WDR59: variants seen among roughly 807,000 people sequenced by gnomAD.
WDR59 encodes the protein WD repeat domain 59.
A neutral mutation model predicts 131.2 loss-of-function variants in WDR59; 100 were observed. That is an observed-to-expected ratio of 0.76 (90% CI 0.65 to 0.90). The LOEUF (loss-of-function observed/expected upper bound fraction) is 0.90. WDR59 is among the 40% of genes least tolerant of loss of function. WDR59 has a pLI of 0.00. For synonymous variants in WDR59, 601 were observed against 466.2 expected, an observed-to-expected ratio of 1.29 and a Z score of -3.72; for missense variants, 1,203 against 1,262.2, an observed-to-expected ratio of 0.95 and a Z score of 0.71.
At chr16:74,885,245 G>A (rs1351604578) in intron 25 of WDR59, among the ~76,000 whole-genome samples, 1 of 152,030 alleles carries the variant, frequency 6.6e-6, no homozygotes, top group South Asian at 2.1e-4. Context: ...CTGAGGTCAG[G>A]AGTTCGAGAC....
At chr16:74,969,556 C>T (rs2145208912) in intron 1 of WDR59, among the ~76,000 whole-genome samples, 1 of 149,964 alleles carries the variant, frequency 6.7e-6, no homozygotes, top group East Asian at 2.0e-4. Context: ...CAGGTGTGAG[C>T]CACTGCACCC....
chr16:74,966,938 G>C (rs1486260375), intron 1 of WDR59, among the ~76,000 whole-genome samples: 1 of 152,176 alleles, frequency 6.6e-6, no homozygotes, highest in South Asian at 2.1e-4. Flanking sequence ...TTATTGCCCT[G>C]AATTTCTTTG....
intron 2 of WDR59, among the ~76,000 whole-genome samples, chr16:74,960,898 T>A (rs11149786): frequency 0.33 from 50,140 of 151,696 alleles, 8,910 homozygotes; most frequent in East Asian, 0.72. Context: ...CTAAAAAAAA[T>A]TTCTGTATCT....
intron 8 of WDR59, among the ~76,000 whole-genome samples, chr16:74,928,926 C>A (rs1228674190): frequency 6.6e-6 from 1 of 151,936 alleles, no homozygotes; most frequent in Non-Finnish European, 1.5e-5. Context: ...ATAAAAGAGA[C>A]AATACACAGA....
chr16:74,969,005 G>C (rs1216849366), intron 1 of WDR59, among the ~76,000 whole-genome samples: 2 of 152,124 alleles, frequency 1.3e-5, no homozygotes, highest in Non-Finnish European at 2.9e-5. Flanking sequence ...GGGGAAAGGA[G>C]TCTGCAATCC....
intron 2 of WDR59, among the ~76,000 whole-genome samples, chr16:74,960,059 G>C (rs1382458212): frequency 6.6e-6 from 1 of 152,092 alleles, no homozygotes; most frequent in Non-Finnish European, 1.5e-5. Flanking sequence ...GCCGGGCGCA[G>C]TGGCTCACAC....
At chr16:74,905,716 T>A (rs1275702805) in intron 17 of WDR59, among the ~76,000 whole-genome samples, 2 of 150,308 alleles carry the variant, frequency 1.3e-5, no homozygotes, top group Admixed American at 6.6e-5. Flanking sequence ...AATAAAAAAA[T>A]AAAATAAAAT....
chr16:74,978,319 TC>T (rs2034268857), intron 1 of WDR59, among the ~76,000 whole-genome samples: 1 of 65,552 alleles, frequency 1.5e-5, no homozygotes, highest in Non-Finnish European at 2.9e-5. Context: ...AGACTCTGTC[TC>T]AAAAAAAAAA....
chr16:74,926,565 T>A (rs60731680), intron 8 of WDR59, among the ~76,000 whole-genome samples: 91 of 152,314 alleles, frequency 6.0e-4, no homozygotes, highest in African/African-American at 2.2e-3. Flanking sequence ...AAGGGGATGA[T>A]CCACACGTGT....
intron 7 of WDR59, among the ~76,000 whole-genome samples, chr16:74,940,809 G>A (rs1391179200): frequency 1.3e-5 from 2 of 152,002 alleles, no homozygotes; most frequent in East Asian, 2.0e-4. Flanking sequence ...GGGTTCAAGC[G>A]ATTCTCCTGC....
intron 1 of WDR59, among the ~76,000 whole-genome samples, chr16:74,966,773 A>T (rs1274261234): frequency 6.6e-6 from 1 of 152,200 alleles, no homozygotes; most frequent in African/African-American, 2.4e-5. Context: ...TGAAATTTCT[A>T]GTGCATTTAA....
At position 74,887,270 on chromosome 16, in the gene WDR59, A is replaced by G. The variant is rs1034852912; in HGVS notation, c.2419+413T>C. Among the ~76,000 whole-genome samples, 14 of 152,158 alleles carry G rather than the reference A, an allele frequency of 9.2e-5. 1 individual carries two copies. The highest frequency in any genetic ancestry group is 3.4e-4 in the African/African-American group (14 of 41,434). Reference sequence around the variant, plus strand: ...TTTTTTTTTTAAATCCAGGAAACACAAATACACCTTACTCAGCAAACAGCT... The same window carrying G: ...TTTTTTTTTTAAATCCAGGAAACACGAATACACCTTACTCAGCAAACAGCT... On this transcript the variant is annotated intron_variant, in intron 23 of 25. Transcript: ENST00000262144.
chr16:74,976,815 C>T (rs983810284), intron 1 of WDR59, among the ~76,000 whole-genome samples: 2 of 151,892 alleles, frequency 1.3e-5, no homozygotes, highest in South Asian at 2.1e-4. Context: ...CCCAGGAGTT[C>T]GAGACCAGCC....
intron 1 of WDR59, among the ~76,000 whole-genome samples, chr16:74,972,044 A>G (rs2034004068): frequency 6.6e-6 from 1 of 152,132 alleles, no homozygotes; most frequent in Non-Finnish European, 1.5e-5. Context: ...AGTCCTCCTC[A>G]ATTGTAGGAA....
chr16:74,892,580 A>G lies in WDR59; in HGVS notation c.2001-15T>C. On this transcript the variant is annotated splice_polypyrimidine_tract_variant and intron_variant, in intron 19 of 25. Coordinates refer to ENST00000262144, the MANE Select transcript of WDR59 (RefSeq NM_030581.4). ...TCACATTCAATCTGAAATTTTTTAA[A>G]AAGAATTAAACATTTCTTTCTAGTG... 6.2e-7 allele frequency: 1 copy of G among 1,606,530 alleles called. No homozygotes were observed. Among genetic ancestry groups the G allele is most frequent in the African/African-American group, 1.3e-5 (1 of 74,862 alleles).
chr16:74,916,732 G>A (rs1294188100), intron 11 of WDR59, among the ~76,000 whole-genome samples: 4 of 151,886 alleles, frequency 2.6e-5, no homozygotes, highest in Admixed American at 6.6e-5. Flanking sequence ...GGTGGCGGAC[G>A]CCTACAGTCC....
chr16:74,938,396 CTT>C, intron 7 of WDR59, 130 bp from the exon 8 acceptor site: 1 of 564,984 alleles, frequency 1.8e-6, no homozygotes, highest in South Asian at 5.0e-5. Context: ...CCTACACAGA[CTT>C]TGTTTGTTTT....
intron 2 of WDR59, among the ~76,000 whole-genome samples, chr16:74,964,373 T>C (rs976951049): frequency 1.6e-4 from 17 of 103,804 alleles, no homozygotes; most frequent in Admixed American, 3.0e-4. Context: ...GAGCGAAACA[T>C]CATCTCAAAA....
rs757183973 is a variant in WDR59 at position 74,980,459 on chromosome 16, C to T, written c.54+4505G>A. 5.5e-5 allele frequency among the ~76,000 whole-genome samples: 8 copies of T among 146,662 alleles called. 1 individual carries two copies. The highest frequency in any genetic ancestry group is 1.3e-4 in the African/African-American group (5 of 39,606). ...ACCTCCGCCTCCCAGGTTCAAGTGA[C>T]TCTCCTGCCTCAGCCTCCCGAGTAG... On this transcript the variant is annotated intron_variant, in intron 1 of 25. Coordinates refer to ENST00000262144, the MANE Select transcript of WDR59 (RefSeq NM_030581.4).
Sources: gnomAD v4.1 joint callset for allele counts (sites outside exome capture counted in the v4.1 genomes callset) on GRCh38, gnomAD v4.1.1 for gene constraint, MANE v1.5 for transcripts, NCBI Gene and HGNC (gene_info 2026-07-23, HGNC 2026-07-21) for gene names.